NDST4: variants seen among roughly 807,000 people sequenced by gnomAD.
The protein encoded by NDST4 is N-deacetylase and N-sulfotransferase 4.
In NDST4, 63 loss-of-function variants were observed where a neutral mutation model predicts 100.8. The observed-to-expected ratio is 0.62, with a 90% CI of 0.51 to 0.77. NDST4 has a LOEUF of 0.77. Ranked by LOEUF, NDST4 falls within the 30% of genes least tolerant of loss-of-function variation. NDST4 has a pLI of 0.00. For synonymous variants in NDST4, 377 were observed against 361.8 expected (o/e 1.04, Z -0.48); for missense variants, 943 against 1,018.4 (o/e 0.93, Z 1.01).
chr4:115,020,816 C>T (rs1435716986), intron 2 of NDST4, among the ~76,000 whole-genome samples: 4 of 152,076 alleles, frequency 2.6e-5, no homozygotes, highest in Non-Finnish European at 5.9e-5. Flanking sequence ...AAAAAATGCT[C>T]ATCTCCACTA....
chr4:115,022,461 T>C (rs1727874934), intron 2 of NDST4, among the ~76,000 whole-genome samples: 1 of 151,392 alleles, frequency 6.6e-6, no homozygotes, highest in African/African-American at 2.4e-5. Context: ...TATATATGTG[T>C]TCCATATATA....
At chr4:114,949,126 C>G (rs1725933464) in intron 4 of NDST4, among the ~76,000 whole-genome samples, 1 of 151,876 alleles carries the variant, frequency 6.6e-6, no homozygotes. Flanking sequence ...TTTGTGAGAG[C>G]TAATTATGCT....
Position 115,022,449 on chromosome 4 carries a change from C to CAT in NDST4, c.979-45177_979-45176dup, listed in dbSNP as rs111643281. Among the ~76,000 whole-genome samples, 91 of 14,506 alleles carry CAT rather than the reference C, an allele frequency of 6.3e-3. 2 individuals carry two copies. The highest frequency in any genetic ancestry group is 0.023 in the African/African-American group (57 of 2,434). 9.5% of individuals were successfully genotyped at this position (14,506 alleles called of 152,430 possible). ...ATATGTGTTCCATATATATGTGTTC[C>CAT]ATATATATGTGTTCCATATATATGT... On this transcript the variant is annotated intron_variant, in intron 2 of 13. Transcript: ENST00000264363.
intron 2 of NDST4, among the ~76,000 whole-genome samples, chr4:114,986,832 A>ATATATATATATTTTT: frequency 3.9e-4 from 37 of 94,648 alleles, no homozygotes; most frequent in Non-Finnish European, 5.8e-4. Flanking sequence ...ATATATATAT[A>ATATATATATATTTTT]TTTTAATATA....
intron 3 of NDST4, among the ~76,000 whole-genome samples, chr4:114,973,294 G>T (rs913711841): frequency 5.5e-5 from 8 of 144,374 alleles, no homozygotes; most frequent in Admixed American, 4.9e-4. Flanking sequence ...TATACTTAAA[G>T]TATATGTGGA....
intron 5 of NDST4, 149 bp downstream of exon 5, chr4:114,937,169 C>T: frequency 1.2e-6 from 1 of 826,840 alleles, no homozygotes; most frequent in Non-Finnish European, 1.9e-6. Context: ...TGGGTTAATG[C>T]ATAACCAGTC....
chr4:114,901,767 T>C (rs565919757), intron 6 of NDST4, among the ~76,000 whole-genome samples: 1 of 151,948 alleles, frequency 6.6e-6, no homozygotes, highest in Non-Finnish European at 1.5e-5. Flanking sequence ...CATATCATTG[T>C]ATTTTCTCTC....
intron 2 of NDST4, among the ~76,000 whole-genome samples, chr4:115,050,424 A>C (rs996496645): frequency 6.6e-6 from 1 of 151,724 alleles, no homozygotes; most frequent in South Asian, 2.1e-4. Flanking sequence ...ACACACACAC[A>C]CCATGACACA....
At position 115,009,239 on chromosome 4, in the gene NDST4, C is replaced by T. The variant is rs190253135; in HGVS notation, c.979-31965G>A. ...TCCGCATCACCAAGTCAATCCTAAG[C>T]CAAAAGAACAAAGCTGGAGGCATCA... On this transcript the variant is annotated intron_variant, in intron 2 of 13. Coordinates refer to ENST00000264363, the MANE Select transcript of NDST4 (RefSeq NM_022569.3). 3.2e-3 allele frequency among the ~76,000 whole-genome samples: 407 copies of T among 129,084 alleles called. 92 individuals are homozygous for T. The highest frequency in any genetic ancestry group is 0.011 in the African/African-American group (390 of 34,010). 84.7% of individuals were successfully genotyped at this position (129,084 alleles called of 152,430 possible). A position where few individuals can be genotyped will look rare whatever the true frequency, so the allele number is the denominator to read the frequency against.
intron 6 of NDST4, among the ~76,000 whole-genome samples, chr4:114,922,113 C>T (rs1725301378): frequency 6.6e-6 from 1 of 152,124 alleles, no homozygotes; most frequent in Non-Finnish European, 1.5e-5. Context: ...TGTTAACTGT[C>T]TCTCTAAAAT....
At chr4:114,882,538 G>A (rs1724391846) in intron 6 of NDST4, among the ~76,000 whole-genome samples, 2 of 151,984 alleles carry the variant, frequency 1.3e-5, no homozygotes, top group South Asian at 4.2e-4. Context: ...AAATTAGTGA[G>A]CTTGAAGAGA....
At chr4:115,003,446 T>C (rs565484951) in intron 2 of NDST4, among the ~76,000 whole-genome samples, 7 of 152,318 alleles carry the variant, frequency 4.6e-5, no homozygotes, top group Non-Finnish European at 7.4e-5. Context: ...ACCTAGTGTC[T>C]ATTATTCTCC....
chr4:114,986,793 C>CATATATATATATATATAT (rs59806494), intron 2 of NDST4, among the ~76,000 whole-genome samples: 43 of 91,126 alleles, frequency 4.7e-4, no homozygotes, highest in South Asian at 1.9e-3. Context: ...TCCAATTATA[C>CATATATATATATATATAT]ATATATATAT....
Position 114,986,832 on chromosome 4 carries a change from A to ATATATATATATTTT in NDST4, c.979-9559_979-9558insAAAATATATATATA. On this transcript the variant is annotated intron_variant, in intron 2 of 13. Transcript: ENST00000264363. ...TATATATATATATATATATATATAT[A>ATATATATATATTTT]TTTTAATATACTATTCCTATAAGCT... Among the ~76,000 whole-genome samples, 521 of 94,554 alleles carry ATATATATATATTTT rather than the reference A, an allele frequency of 5.5e-3. 8 individuals are homozygous for ATATATATATATTTT. The highest frequency in any genetic ancestry group is 8.1e-3 in the Non-Finnish European group (372 of 46,186). The allele number at this position is 94,554 out of a possible 152,430, so 62.0% of individuals were successfully genotyped here.
chr4:114,929,963 A>G (rs1404297323), intron 6 of NDST4, among the ~76,000 whole-genome samples: 1 of 152,196 alleles, frequency 6.6e-6, no homozygotes, highest in Non-Finnish European at 1.5e-5. Flanking sequence ...GACTTACCCT[A>G]AAGAGATGAC....
chr4:114,946,410 AT>A (rs1725864176), intron 4 of NDST4, among the ~76,000 whole-genome samples: 1 of 152,198 alleles, frequency 6.6e-6, no homozygotes, highest in African/African-American at 2.4e-5. Flanking sequence ...ATGGAGAAAA[AT>A]AAAGCAGAAA....
At chr4:114,840,123 T>C (rs1178688875) in intron 10 of NDST4, among the ~76,000 whole-genome samples, 3 of 152,210 alleles carry the variant, frequency 2.0e-5, no homozygotes, top group Non-Finnish European at 4.4e-5. Flanking sequence ...CTATTTCTCA[T>C]GCTTGTTTAG....
At chr4:114,968,473 C>T (rs1164664815) in intron 4 of NDST4, among the ~76,000 whole-genome samples, 1 of 152,096 alleles carries the variant, frequency 6.6e-6, no homozygotes, top group Non-Finnish European at 1.5e-5. Flanking sequence ...GCTTAATTAA[C>T]GTCTAGAGCA....
chr4:114,860,343 T>C (rs1362900460), intron 7 of NDST4, among the ~76,000 whole-genome samples: 1 of 152,214 alleles, frequency 6.6e-6, no homozygotes, highest in African/African-American at 2.4e-5. Context: ...CTATCTATTC[T>C]TCACTTCTTC....
Sources: gnomAD v4.1 joint callset for allele counts (sites outside exome capture counted in the v4.1 genomes callset) on GRCh38, gnomAD v4.1.1 for gene constraint, MANE v1.5 for transcripts, NCBI Gene and HGNC (gene_info 2026-07-23, HGNC 2026-07-21) for gene names.